The following RAC2 variants were observed in gnomAD, a reference collection of about 807,000 sequenced individuals.
The protein encoded by RAC2 is Rac family small GTPase 2, also known as ras-related C3 botulinum toxin substrate 2.
Under a neutral mutation model 24.0 loss-of-function variants are expected in RAC2, and 1 was observed. The observed-to-expected ratio is 0.04, with a 90% CI of 0.01 to 0.20. RAC2 has a LOEUF of 0.20. RAC2 is among the 10% of genes least tolerant of loss of function. The pLI is 1.00. For missense variants in RAC2, 130 were observed against 259.1 expected, an observed-to-expected ratio of 0.50 and a Z score of 3.42; for synonymous variants, 114 against 106.8, an observed-to-expected ratio of 1.07 and a Z score of -0.41.
intron 2 of RAC2, among the ~76,000 whole-genome samples, chr22:37,240,479 G>A (rs150908716): frequency 2.0e-5 from 3 of 152,354 alleles, no homozygotes; most frequent in East Asian, 1.9e-4. Context: ...GACATCTTGC[G>A]CAGGGGCCAG....
intron 2 of RAC2, among the ~76,000 whole-genome samples, chr22:37,238,576 C>T (rs1265188324): frequency 6.6e-6 from 1 of 152,188 alleles, no homozygotes; most frequent in Non-Finnish European, 1.5e-5. Flanking sequence ...GGGCTTCCGT[C>T]GAGCTTGGTT....
intron 5 of RAC2, among the ~76,000 whole-genome samples, chr22:37,230,260 G>C (rs1206969656): frequency 2.0e-5 from 3 of 151,874 alleles, no homozygotes; most frequent in Non-Finnish European, 4.4e-5. Flanking sequence ...GTTCCGGCAG[G>C]GGGAGGTGGG....
intron 2 of RAC2, among the ~76,000 whole-genome samples, chr22:37,237,769 A>G (rs1927276301): frequency 1.3e-5 from 2 of 152,166 alleles, no homozygotes; most frequent in African/African-American, 4.8e-5. Flanking sequence ...GCTCTGTTCT[A>G]GAAACTGGCG....
At chr22:37,241,709 C>T (rs369464677) in intron 1 of RAC2, 51 bp from the exon 2 acceptor site, 30 of 1,539,940 alleles carry the variant, frequency 1.9e-5, no homozygotes, top group African/African-American at 5.5e-5. Flanking sequence ...CTGCCGGAGA[C>T]GTGGGGAGGT....
intron 2 of RAC2, among the ~76,000 whole-genome samples, chr22:37,237,647 C>A (rs1303623874): frequency 6.6e-6 from 1 of 152,090 alleles, no homozygotes; most frequent in Admixed American, 6.5e-5. Flanking sequence ...AAATTAAGTG[C>A]CAAATGATTC....
intron 5 of RAC2, among the ~76,000 whole-genome samples, chr22:37,228,600 C>T (rs1926957758): frequency 6.6e-6 from 1 of 152,240 alleles, no homozygotes; most frequent in African/African-American, 2.4e-5. Flanking sequence ...ACGCTGGTCA[C>T]CACCTACCCT....
intron 2 of RAC2, among the ~76,000 whole-genome samples, chr22:37,237,128 G>A (rs558133351): frequency 1.3e-5 from 2 of 151,920 alleles, no homozygotes; most frequent in South Asian, 2.1e-4. Flanking sequence ...GGCAGAGGTT[G>A]CAGTGAGCCG....
chr22:37,226,501 G>A (rs981738859), intron 6 of RAC2, among the ~76,000 whole-genome samples, 170 bp downstream of exon 6: 3 of 152,086 alleles, frequency 2.0e-5, no homozygotes, highest in East Asian at 3.9e-4. Flanking sequence ...GAGCTCCAGA[G>A]AGTGAGACTG....
intron 3 of RAC2, chr22:37,232,576 G>C (rs1409419312): frequency 1.7e-6 from 1 of 580,918 alleles, no homozygotes; most frequent in Non-Finnish European, 3.1e-6. Context: ...GGAGGCAATG[G>C]GGTGGGAAGA....
chr22:37,242,471 T>C (rs1371708513), intron 1 of RAC2, among the ~76,000 whole-genome samples: 1 of 152,156 alleles, frequency 6.6e-6, no homozygotes, highest in East Asian at 1.9e-4. Flanking sequence ...ACCCTCAGCA[T>C]GCGAGGCTGG....
chr22:37,232,031 G>A, intron 3 of RAC2, 37 bp from the exon 4 acceptor site: 1 of 1,548,086 alleles, frequency 6.5e-7, no homozygotes, highest in Non-Finnish European at 8.7e-7. Flanking sequence ...AGTGAGGAGG[G>A]CCCAGAGGTG....
At chr22:37,232,156 A>C (rs1927085613) in intron 3 of RAC2, among the ~76,000 whole-genome samples, 162 bp from the exon 4 acceptor site, 1 of 152,192 alleles carries the variant, frequency 6.6e-6, no homozygotes, top group Admixed American at 6.5e-5. Context: ...TCTCGCCTCT[A>C]CCACGAGGCT....
chr22:37,230,383 C>A (rs1454566933), intron 5 of RAC2, among the ~76,000 whole-genome samples: 1 of 152,046 alleles, frequency 6.6e-6, no homozygotes, highest in Non-Finnish European at 1.5e-5. Flanking sequence ...TATGACCAAA[C>A]CCAGCTGGTG....
chr22:37,226,807 G>A lies in RAC2; in HGVS notation c.449-4C>T. The A allele has an allele frequency of 6.2e-7, 1 of 1,612,308 alleles. No individual in the cohort carries two copies. Among genetic ancestry groups the A allele is most frequent in the Non-Finnish European group, 8.5e-7 (1 of 1,179,336 alleles). On this transcript the variant is annotated splice_region_variant and splice_polypyrimidine_tract_variant and intron_variant, in intron 5 of 6. Coordinates refer to ENST00000249071, the MANE Select transcript of RAC2 (RefSeq NM_002872.5). ...CACTCCAGGTATTTCACCGAGTCTG[G>A]TTGGGGAGATGGACAGGAGAGCCAA...
At chr22:37,241,110 A>C (rs1281067382) in intron 2 of RAC2, 5 of 776,814 alleles carry the variant, frequency 6.4e-6, no homozygotes, top group African/African-American at 1.7e-5. Context: ...CGCTCCCTCC[A>C]CGTCCGATGA....
rs750689195 is a variant in RAC2, at chr22:37,241,643, G to A, written c.51C>T (p.Thr17=). ...VVVGDGAVGK[T]CLLISYTTNA... ...TGGTGGTGTAGCTGATGAGAAGGCA[G>A]GTCTTGCCCACGGCCCTGAAAGACA... is the stretch of plus-strand genomic sequence containing the variant. Residue 17 remains threonine (T), a synonymous_variant, in exon 2 of 7, where the codon ACC becomes ACT. Coordinates refer to ENST00000249071, the MANE Select transcript of RAC2 (RefSeq NM_002872.5). 10 of 1,614,138 alleles carry A rather than the reference G, an allele frequency of 6.2e-6. No individual in the cohort carries two copies. In the South Asian group the frequency reaches 9.9e-5, roughly 16 times the overall value.
chr22:37,240,240 T>C (rs1250917220), intron 2 of RAC2, among the ~76,000 whole-genome samples: 1 of 152,168 alleles, frequency 6.6e-6, no homozygotes, highest in Non-Finnish European at 1.5e-5. Context: ...CTGCCTGCCC[T>C]CCTCTTCCTA....
intron 1 of RAC2, among the ~76,000 whole-genome samples, chr22:37,242,249 G>A (rs2239773): frequency 0.24 from 36,944 of 152,068 alleles, 4,546 homozygotes; most frequent in Non-Finnish European, 0.26. Context: ...CACCTCCCCC[G>A]TGGAGCAGAG....
At chr22:37,232,691 T>A in intron 3 of RAC2, 110 bp downstream of exon 3, 1 of 894,082 alleles carries the variant, frequency 1.1e-6, no homozygotes, top group East Asian at 2.5e-5. Context: ...GAGCTGGGCC[T>A]TAAGGGGAGA....
Sources: gnomAD v4.1 joint callset for allele counts (sites outside exome capture counted in the v4.1 genomes callset) on GRCh38, gnomAD v4.1.1 for gene constraint, MANE v1.5 for transcripts, NCBI Gene and HGNC (gene_info 2026-07-23, HGNC 2026-07-21) for gene names.